The following RIN2 variants were observed in gnomAD, a reference collection of about 807,000 sequenced individuals.
The protein encoded by RIN2 is Ras and Rab interactor 2.
RIN2 carries 36 observed loss-of-function variants against 78.0 expected under a neutral mutation model. The ratio of observed to expected loss-of-function variants is 0.46; its 90% CI spans 0.35 to 0.61. The LOEUF is 0.61. Ranked by LOEUF, RIN2 falls within the 20% of genes least tolerant of loss-of-function variation. RIN2 has a pLI of 0.00. For missense variants in RIN2, 1,087 were observed against 1,159.7 expected (o/e 0.94, Z 0.91); for synonymous variants, 466 against 466.8 (o/e 1.00, Z 0.02).
At chr20:19,848,497 C>T (rs535506694) in intron 2 of RIN2, among the ~76,000 whole-genome samples, 9 of 130,370 alleles carry the variant, frequency 6.9e-5, no homozygotes, top group Non-Finnish European at 9.2e-5. Context: ...GATCACACCA[C>T]AGCACTTCAG....
intron 2 of RIN2, among the ~76,000 whole-genome samples, chr20:19,818,004 T>TGTTGTAGA (rs139819217): frequency 0.073 from 11,190 of 152,272 alleles, 440 homozygotes; most frequent in South Asian, 0.1. Flanking sequence ...ATTGTGCAAA[T>TGTTGTAGA]GTTGTAGAGT....
At chr20:19,914,186 A>C (rs1485656637) in intron 3 of RIN2, among the ~76,000 whole-genome samples, 1 of 152,168 alleles carries the variant, frequency 6.6e-6, no homozygotes, top group Non-Finnish European at 1.5e-5. Context: ...TACTGTCTTT[A>C]ACCACTCACC....
intron 1 of RIN2, among the ~76,000 whole-genome samples, chr20:19,768,801 A>T (rs1050893546): frequency 6.6e-6 from 1 of 151,700 alleles, no homozygotes; most frequent in African/African-American, 2.4e-5. Context: ...CTATGTGCTT[A>T]TTTCCCACAC....
At chr20:19,980,616 T>A (rs1391321132) in intron 9 of RIN2, among the ~76,000 whole-genome samples, 2 of 152,150 alleles carry the variant, frequency 1.3e-5, no homozygotes, top group Non-Finnish European at 2.9e-5. Context: ...AAAGAGGAAT[T>A]CATGTAGGAA....
chr20:19,879,490 C>T (rs1257956085), intron 2 of RIN2, among the ~76,000 whole-genome samples: 2 of 152,114 alleles, frequency 1.3e-5, no homozygotes, highest in South Asian at 2.1e-4. Context: ...ACATGGAATC[C>T]GTGGGCTTAC....
At chr20:19,955,057 A>T (rs1444217977) in intron 4 of RIN2, among the ~76,000 whole-genome samples, 3 of 152,076 alleles carry the variant, frequency 2.0e-5, no homozygotes, top group African/African-American at 7.2e-5. Context: ...ATACCAGAAC[A>T]TTTCCATCAC....
At chr20:19,850,066 G>A (rs1243273838) in intron 2 of RIN2, among the ~76,000 whole-genome samples, 3 of 152,136 alleles carry the variant, frequency 2.0e-5, no homozygotes, top group African/African-American at 7.2e-5. Flanking sequence ...CTGGGCTGCC[G>A]GCCTCACGCC....
chr20:19,998,471 C>T (rs1446539436), intron 12 of RIN2, among the ~76,000 whole-genome samples: 1 of 151,982 alleles, frequency 6.6e-6, no homozygotes, highest in Non-Finnish European at 1.5e-5. Context: ...GTTAGGTAGG[C>T]GTAGTGGTGC....
chr20:19,980,080 T>C (rs985245579), intron 9 of RIN2, among the ~76,000 whole-genome samples: 2 of 137,102 alleles, frequency 1.5e-5, no homozygotes, highest in African/African-American at 5.4e-5. Context: ...TTCTGAGAGG[T>C]GTAGCCAGGG....
Position 20,000,946 on chromosome 20 carries a change from G to C in RIN2, c.*10G>C. On this transcript the variant is annotated 3_prime_UTR_variant, in exon 13 of 13. Transcript: ENST00000255006. ...CCTCACCACCTCCTAGAAGACAGGC[G>C]GGACTTCCCAGTGGTGCATCCAAAG... The C allele has an allele frequency of 6.3e-7, 1 of 1,599,750 alleles. No individual in the cohort carries two copies. Among genetic ancestry groups the C allele is most frequent in the African/African-American group, 1.3e-5 (1 of 74,810 alleles).
chr20:19,766,764 T>C lies in RIN2; in HGVS notation c.-163+8437T>C, dbSNP rs543987822. ...GGTGAAACCCCATCTCTACTACAAA[T>C]GCAAAAATTAGCTGGGCGTTGTGGC... On this transcript the variant is annotated intron_variant, in intron 1 of 12. Transcript: ENST00000255006. 5.1e-4 allele frequency among the ~76,000 whole-genome samples: 78 copies of C among 151,732 alleles called. 1 individual carries two copies. The highest frequency in any genetic ancestry group is 9.1e-4 in the Non-Finnish European group (62 of 67,906).
intron 2 of RIN2, among the ~76,000 whole-genome samples, chr20:19,886,131 C>T (rs966136256): frequency 3.3e-5 from 5 of 152,222 alleles, no homozygotes; most frequent in African/African-American, 4.8e-5. Context: ...ATGCCAGTGA[C>T]TCAACCCAGT....
chr20:19,978,725 C>T (rs1163189805), intron 9 of RIN2, among the ~76,000 whole-genome samples: 2 of 152,196 alleles, frequency 1.3e-5, no homozygotes, highest in Non-Finnish European at 2.9e-5. Flanking sequence ...GAGACACGGG[C>T]TCGTTCCTGT....
intron 11 of RIN2, among the ~76,000 whole-genome samples, chr20:19,993,556 C>T (rs550174311): frequency 2.0e-5 from 3 of 152,072 alleles, no homozygotes; most frequent in Non-Finnish European, 2.9e-5. Context: ...AATATCTCTC[C>T]TCCCGTACCC....
intron 3 of RIN2, among the ~76,000 whole-genome samples, chr20:19,929,007 G>C (rs1185482414): frequency 1.3e-5 from 2 of 152,190 alleles, no homozygotes; most frequent in East Asian, 3.9e-4. Context: ...GTCACTGCTT[G>C]TGGGATTTTC....
chr20:19,996,860 C>G lies in RIN2; in HGVS notation c.2364+18C>G. 1 of 1,556,474 alleles carries G rather than the reference C, an allele frequency of 6.4e-7. No individual in the cohort carries two copies. On this transcript the variant is annotated intron_variant, in intron 12 of 12. Transcript: ENST00000255006. Reference sequence around the variant, plus strand: ...ACTTCCAGGTGTGCAGCTGGCCACCCCTTTGCTTCCTTCGTCCTCCAGGAA... The same window carrying G: ...ACTTCCAGGTGTGCAGCTGGCCACCGCTTTGCTTCCTTCGTCCTCCAGGAA...
chr20:19,968,956 A>G (rs1023934842), intron 7 of RIN2, among the ~76,000 whole-genome samples: 27 of 150,102 alleles, frequency 1.8e-4, no homozygotes, highest in African/African-American at 6.1e-4. Flanking sequence ...CAAGTGGCCA[A>G]GCAAAGGGGG....
intron 1 of RIN2, among the ~76,000 whole-genome samples, chr20:19,760,756 TCC>T (rs2033606416): frequency 6.6e-6 from 1 of 152,100 alleles, no homozygotes; most frequent in Non-Finnish European, 1.5e-5. Flanking sequence ...TGTGCCCAAT[TCC>T]CCTTGTATAT....
intron 1 of RIN2, among the ~76,000 whole-genome samples, chr20:19,798,267 C>G (rs1352434878): frequency 1.3e-5 from 2 of 152,168 alleles, no homozygotes; most frequent in African/African-American, 4.8e-5. Context: ...TCATCTGGGA[C>G]TGAAGCCCAA....
Sources: allele counts gnomAD v4.1 joint callset (sites outside exome capture counted in the v4.1 genomes callset), GRCh38; gene constraint gnomAD v4.1.1; transcripts MANE v1.5; gene names NCBI Gene and HGNC (gene_info 2026-07-23, HGNC 2026-07-21).